The following NTM variants were observed in gnomAD, a reference collection of about 807,000 sequenced individuals.
NTM encodes the protein IgLON family member 2.
Under a neutral mutation model 42.1 loss-of-function variants are expected in NTM, and 13 were observed. That is an observed-to-expected ratio of 0.31 (90% CI 0.20 to 0.49). NTM has a LOEUF of 0.49. Ranked by LOEUF, NTM falls within the 20% of genes least tolerant of loss-of-function variation. The probability of loss-of-function intolerance (pLI) is 0.99; values close to 1 mark genes in which losing one functional copy is unlikely to be tolerated. For missense variants in NTM, 373 were observed against 452.8 expected (o/e 0.82, Z 1.60); for synonymous variants, 187 against 179.2 (o/e 1.04, Z -0.35).
rs186750600 is a variant in NTM, at chr11:131,565,899, C to G, written c.82+195011C>G. On this transcript the variant is annotated intron_variant, in intron 1 of 8. Transcript: ENST00000683400. ...GGAGAATCGTGGTCCTTGTGCGGAC[C>G]CATCTACATAGTCAGGAAGTTCTAT... is the stretch of plus-strand genomic sequence containing the variant. Among the ~76,000 whole-genome samples the G allele has an allele frequency of 2.6e-5, 4 of 152,230 alleles. No individual in the cohort carries two copies. The East Asian group carries it at 7.7e-4, about 29-fold the overall frequency.
chr11:132,180,564 A>G (rs187821617), intron 3 of NTM, among the ~76,000 whole-genome samples: 27 of 152,294 alleles, frequency 1.8e-4, no homozygotes, highest in African/African-American at 6.3e-4. Context: ...TTTCAAGTCT[A>G]GAAAAGTAAA....
At chr11:131,880,280 C>G (rs761620382) in intron 1 of NTM, among the ~76,000 whole-genome samples, 109 of 152,320 alleles carry the variant, frequency 7.2e-4, no homozygotes, top group Non-Finnish European at 1.2e-3. Flanking sequence ...GGTGCTGGCT[C>G]TGGCAGCAGA....
At chr11:131,452,230 C>T (rs7938797) in intron 1 of NTM, among the ~76,000 whole-genome samples, 40,216 of 152,124 alleles carry the variant, frequency 0.26, 5,478 homozygotes, top group Non-Finnish European at 0.3. Flanking sequence ...GCCTGGACTC[C>T]CAAACTGCTG....
chr11:131,660,439 G>C (rs891128866), intron 1 of NTM: 1 of 456,862 alleles, frequency 2.2e-6, no homozygotes, highest in African/African-American at 2.0e-5. Flanking sequence ...ATTTGAAAGA[G>C]CCCAGAAGCC....
In NTM at chr11:131,461,327, G is replaced by C. The variant is rs552982022; in HGVS notation, c.82+90439G>C. On this transcript the variant is annotated intron_variant, in intron 1 of 8. Transcript: ENST00000683400. ...ATAGAGATACAGAAATCTCAGAAAA[G>C]CATCTCATGAATTCTTGTAACTTCC... is the stretch of plus-strand genomic sequence containing the variant. 7.9e-5 allele frequency among the ~76,000 whole-genome samples: 12 copies of C among 152,300 alleles called. 1 individual carries two copies. In the East Asian group the frequency reaches 2.3e-3, roughly 29 times the overall value.
chr11:131,977,794 GA>G (rs11337489), intron 2 of NTM, among the ~76,000 whole-genome samples: 21,165 of 151,604 alleles, frequency 0.14, 1,733 homozygotes, highest in South Asian at 0.2. Flanking sequence ...CGAAGAAAAG[GA>G]AAAAAAAGGG....
chr11:132,221,073 G>A (rs1448652042), intron 4 of NTM, among the ~76,000 whole-genome samples: 2 of 152,148 alleles, frequency 1.3e-5, no homozygotes, highest in African/African-American at 2.4e-5. Context: ...TGCCAACCAA[G>A]CTGGGAGAAA....
At chr11:131,424,565 G>T (rs928782893) in intron 1 of NTM, among the ~76,000 whole-genome samples, 1 of 116,192 alleles carries the variant, frequency 8.6e-6, no homozygotes. Context: ...CGTCTAGTTT[G>T]CAATTGCTTA....
intron 1 of NTM, among the ~76,000 whole-genome samples, chr11:131,506,921 T>A (rs866272113): frequency 1.3e-5 from 2 of 152,302 alleles, no homozygotes; most frequent in Middle Eastern, 3.4e-3. Flanking sequence ...ACAGCCCATC[T>A]TTATGTTGGA....
At chr11:131,890,158 C>A (rs530342) in intron 1 of NTM, among the ~76,000 whole-genome samples, 1,855 of 58,832 alleles carry the variant, frequency 0.032, 55 homozygotes, top group African/African-American at 0.06. Context: ...CTCTCTCTGT[C>A]TCTCTCTCTC....
intron 1 of NTM, among the ~76,000 whole-genome samples, chr11:131,460,164 G>C (rs7128755): frequency 6.6e-6 from 1 of 152,074 alleles, no homozygotes; most frequent in Non-Finnish European, 1.5e-5. Flanking sequence ...CATAGACAGC[G>C]TAATGCCCTG....
chr11:131,598,912 CTTCCTTCCTTCT>C (rs1158068570), intron 1 of NTM, among the ~76,000 whole-genome samples: 2 of 133,484 alleles, frequency 1.5e-5, no homozygotes, highest in East Asian at 2.1e-4. Context: ...TCCTTCCTTC[CTTCCTTCCTTCT>C]TTCCTTTCAG....
intron 1 of NTM, chr11:131,662,234 CAA>C: frequency 6.6e-6 from 1 of 152,316 alleles, no homozygotes; most frequent in Admixed American, 6.5e-5. Flanking sequence ...AAAGAAAACT[CAA>C]AACCCAGCTT....
chr11:132,124,168 T>G (rs897114138), intron 2 of NTM, among the ~76,000 whole-genome samples: 1 of 152,188 alleles, frequency 6.6e-6, no homozygotes, highest in Non-Finnish European at 1.5e-5. Context: ...ATTATTGTGC[T>G]ATGCCCCTTC....
chr11:131,655,066 G>A (rs772672676), intron 1 of NTM, among the ~76,000 whole-genome samples: 2 of 152,154 alleles, frequency 1.3e-5, no homozygotes, highest in East Asian at 1.9e-4. Context: ...CCTCGGGCAC[G>A]CTGTAGCACA....
At chr11:131,632,472 A>G (rs918181897) in intron 1 of NTM, among the ~76,000 whole-genome samples, 2 of 152,092 alleles carry the variant, frequency 1.3e-5, no homozygotes, top group Non-Finnish European at 1.5e-5. Flanking sequence ...TTTTTGTTAC[A>G]TAATTGTACA....
rs529023922 is a variant in NTM at position 131,486,274 on chromosome 11, G to T, written c.82+115386G>T. Among the ~76,000 whole-genome samples, 3 of 152,302 alleles carry T rather than the reference G, an allele frequency of 2.0e-5. No individual in the cohort carries two copies. The South Asian group carries it at 6.2e-4, about 32-fold the overall frequency. ...AGAAGTGGAAATGGGGGTGGTTGTAGCTTTGCTGATTCATGCTACCAGAAA... is the reference window on the plus strand; with the variant it reads ...AGAAGTGGAAATGGGGGTGGTTGTATCTTTGCTGATTCATGCTACCAGAAA... On this transcript the variant is annotated intron_variant, in intron 1 of 8. Transcript: ENST00000683400.
chr11:131,871,552 T>C (rs938978166), intron 1 of NTM, among the ~76,000 whole-genome samples: 3 of 152,218 alleles, frequency 2.0e-5, no homozygotes, highest in Admixed American at 6.5e-5. Flanking sequence ...CAAACATTGT[T>C]TATGCATTGT....
chr11:132,329,949 T>C (rs937559193), intron 7 of NTM, among the ~76,000 whole-genome samples: 2 of 152,174 alleles, frequency 1.3e-5, no homozygotes, highest in Non-Finnish European at 2.9e-5. Context: ...TTGAGGCAAC[T>C]GGCTGCCCAA....
Sources: allele counts gnomAD v4.1 joint callset (sites outside exome capture counted in the v4.1 genomes callset), GRCh38; gene constraint gnomAD v4.1.1; transcripts MANE v1.5; gene names NCBI Gene and HGNC (gene_info 2026-07-23, HGNC 2026-07-21).